CNOT1: variants seen among roughly 807,000 people sequenced by gnomAD.
CNOT1 encodes CCR4-associated factor 1.
A neutral mutation model predicts 273.8 loss-of-function variants in CNOT1; 15 were observed. The ratio of observed to expected loss-of-function variants is 0.05; its 90% CI spans 0.04 to 0.08. The LOEUF is 0.08. Ranked by LOEUF, CNOT1 falls within the 10% of genes least tolerant of loss-of-function variation. The probability of loss-of-function intolerance (pLI) is 1.00; values close to 1 mark genes in which losing one functional copy is unlikely to be tolerated. For synonymous variants in CNOT1, 1,022 were observed against 1,005.5 expected, an observed-to-expected ratio of 1.02 and a Z score of -0.31; for missense variants, 1,644 against 2,912.2, an observed-to-expected ratio of 0.56 and a Z score of 10.02.
chr16:58,614,060 C>G (rs1486506848), intron 1 of CNOT1, among the ~76,000 whole-genome samples: 6 of 110,092 alleles, frequency 5.4e-5, no homozygotes, highest in African/African-American at 1.9e-4. Flanking sequence ...CCACTGCACT[C>G]CAGCCTGGGC....
chr16:58,580,305 A>AT (rs1347895345), intron 12 of CNOT1, among the ~76,000 whole-genome samples: 4 of 148,788 alleles, frequency 2.7e-5, no homozygotes, highest in African/African-American at 4.9e-5. Context: ...CTTACAAATA[A>AT]AAAAAAAAAA....
In CNOT1 at chr16:58,577,918, T is replaced by A. The variant is rs145300757; in HGVS notation, c.1584+781A>T. Among the ~76,000 whole-genome samples the A allele has an allele frequency of 4.6e-5, 7 of 151,460 alleles. No individual in the cohort carries two copies. In the East Asian group the frequency reaches 1.4e-3, roughly 29 times the overall value. ...GAATACTTACTTGCCAAATACATTCTACAAAATTAGAGGTAAAAAGCACAG... is the reference window on the plus strand; with the variant it reads ...GAATACTTACTTGCCAAATACATTCAACAAAATTAGAGGTAAAAAGCACAG... On this transcript the variant is annotated intron_variant, in intron 13 of 48. Coordinates refer to ENST00000317147, the MANE Select transcript of CNOT1 (RefSeq NM_016284.5).
intron 21 of CNOT1, among the ~76,000 whole-genome samples, chr16:58,554,840 G>A (rs1329615088): frequency 6.7e-6 from 1 of 149,458 alleles, no homozygotes; most frequent in Non-Finnish European, 1.5e-5. Flanking sequence ...AGAGGCTGAG[G>A]CAGGAGAATC....
At chr16:58,574,518 G>A in intron 16 of CNOT1, 91 bp downstream of exon 16, 1 of 1,285,360 alleles carries the variant, frequency 7.8e-7, no homozygotes, top group Admixed American at 2.6e-5. Context: ...TTAAACTGCT[G>A]TCACTTTCAC....
In CNOT1 at chr16:58,520,505, T is replaced by TTA; in HGVS notation, c.*451_*452dup. On this transcript the variant is annotated 3_prime_UTR_variant, in exon 49 of 49. Coordinates refer to ENST00000317147, the MANE Select transcript of CNOT1 (RefSeq NM_016284.5). ...TGATTTTCAAGGTCCCCTGTCCACA[T>TTA]TAAAAAAATAAGTTACATAATATTC... The TTA allele has an allele frequency of 5.9e-6, 1 of 169,480 alleles. No individual in the cohort carries two copies. Among genetic ancestry groups the TTA allele is most frequent in the African/African-American group, 2.4e-5 (1 of 42,026 alleles). The allele number at this position is 169,480 out of a possible 1,614,324, so 10.5% of individuals were successfully genotyped here.
At chr16:58,628,863 G>C (rs557077216) in intron 1 of CNOT1, among the ~76,000 whole-genome samples, 2 of 152,192 alleles carry the variant, frequency 1.3e-5, no homozygotes, top group African/African-American at 4.8e-5. Flanking sequence ...GAGCCCTCTT[G>C]GGTGAATTCT....
At chr16:58,593,958 G>C (rs1271321035) in intron 2 of CNOT1, among the ~76,000 whole-genome samples, 1 of 151,962 alleles carries the variant, frequency 6.6e-6, no homozygotes, top group Non-Finnish European at 1.5e-5. Context: ...AATGAAAAAA[G>C]GCAAGGCCAG....
chr16:58,622,341 G>T lies in CNOT1; in HGVS notation c.-175+7387C>A, dbSNP rs1355671065. On this transcript the variant is annotated intron_variant, in intron 1 of 48. Transcript: ENST00000317147. ...AAAATGTACCACTCTAGTGGGGGGG[G>T]GGGGGGGGGCGGGCGTGGACAATGG... Among the ~76,000 whole-genome samples, 5 of 64,158 alleles carry T rather than the reference G, an allele frequency of 7.8e-5. 1 individual carries two copies. The highest frequency in any genetic ancestry group is 1.7e-4 in the African/African-American group (4 of 23,948). 42.1% of individuals were successfully genotyped at this position (64,158 alleles called of 152,430 possible).
intron 1 of CNOT1, among the ~76,000 whole-genome samples, chr16:58,600,923 A>C (rs1201684686): frequency 6.6e-6 from 1 of 152,200 alleles, no homozygotes; most frequent in African/African-American, 2.4e-5. Context: ...CCTAAGCAAC[A>C]TAGTGAGATC....
chr16:58,590,882 G>A (rs1453595027), intron 2 of CNOT1, among the ~76,000 whole-genome samples: 3 of 152,286 alleles, frequency 2.0e-5, no homozygotes, highest in East Asian at 1.9e-4. Context: ...TATATGCTAC[G>A]TACTAGTCTA....
chr16:58,558,576 T>C lies in CNOT1; in HGVS notation c.2229A>G (p.Ala743=), dbSNP rs202117917. Residue 743 remains alanine (A), a synonymous_variant, in exon 18 of 49, where the codon GCA becomes GCG. Transcript: ENST00000317147. ...TTGCTGGTGACTGAGGGGTACTGAA[T>C]GCAGAACCCAAATTTGGAGGAAAAC... ...MQGFPPNLGS[A]FSTPQSPAKA... The C allele has an allele frequency of 3.1e-6, 5 of 1,613,486 alleles. No individual in the cohort carries two copies. The highest frequency in any genetic ancestry group is 3.4e-6 in the Non-Finnish European group (4 of 1,179,710).
intron 40 of CNOT1, 22 bp downstream of exon 40, chr16:58,534,125 A>C: frequency 6.2e-7 from 1 of 1,610,546 alleles, no homozygotes; most frequent in Non-Finnish European, 8.5e-7. Context: ...GACCAAGACT[A>C]AGGCAAGAAA....
At position 58,555,868 on chromosome 16, in the gene CNOT1, A is replaced by G. The variant is rs138261034; in HGVS notation, c.2520T>C (p.Phe840=). Residue 840 remains phenylalanine, a synonymous_variant, in exon 20 of 49, where the codon TTT becomes TTC. Coordinates refer to ENST00000317147, the MANE Select transcript of CNOT1 (RefSeq NM_016284.5). The part of the protein sequence containing the change: ...SQVWPEANQH[F]SKEIDDEANS... ...TTGCTTCATCATCTATCTCTTTACT[A>G]AAGTGCTGGTTTGCCTCTGGCCACA... The G allele has an allele frequency of 4.8e-5, 77 of 1,613,714 alleles. No individual in the cohort carries two copies. The highest frequency in any genetic ancestry group is 1.6e-4 in the Middle Eastern group (1 of 6,062).
At chr16:58,571,229 C>T (rs1054495407) in intron 16 of CNOT1, among the ~76,000 whole-genome samples, 3 of 152,120 alleles carry the variant, frequency 2.0e-5, no homozygotes, top group Non-Finnish European at 2.9e-5. Context: ...GAGACAAAGA[C>T]ATTTTACAGT....
chr16:58,620,411 T>G (rs1452292772), intron 1 of CNOT1, among the ~76,000 whole-genome samples: 1 of 151,828 alleles, frequency 6.6e-6, no homozygotes, highest in African/African-American at 2.4e-5. Context: ...GAGGCCGAGG[T>G]GGGCAGATCA....
At chr16:58,588,580 A>T (rs1055251430) in intron 3 of CNOT1, among the ~76,000 whole-genome samples, 2 of 152,084 alleles carry the variant, frequency 1.3e-5, no homozygotes. Context: ...GGCAGGTCTG[A>T]TCCCTACCTC....
chr16:58,522,090 C>T (rs1318315568), intron 47 of CNOT1, among the ~76,000 whole-genome samples: 1 of 151,774 alleles, frequency 6.6e-6, no homozygotes, highest in Non-Finnish European at 1.5e-5. Context: ...GAGGCCAAGA[C>T]GGGTGGATCA....
In CNOT1 at chr16:58,618,814, T is replaced by C. The variant is rs565955441; in HGVS notation, c.-175+10914A>G. ...TTATATACACATATTAATCAAGCAA[T>C]TTATTTCACTCAATGCTACAGTGCC... On this transcript the variant is annotated intron_variant, in intron 1 of 48. Coordinates refer to ENST00000317147, the MANE Select transcript of CNOT1 (RefSeq NM_016284.5). Among the ~76,000 whole-genome samples, 4 of 152,274 alleles carry C rather than the reference T, an allele frequency of 2.6e-5. No homozygotes were observed. The East Asian group carries it at 7.7e-4, about 29-fold the overall frequency.
chr16:58,525,311 G>A lies in CNOT1; in HGVS notation c.6652C>T (p.Leu2218=). The change falls in exon 46 of 49, where the codon CTG becomes TTG. Residue 2218 remains leucine (L), a synonymous_variant. Transcript: ENST00000317147. The part of the protein sequence containing the change: ...NRYNLQLINA[L]VLYVGTQAIA... Reference sequence around the variant, plus strand: ...GCCTGAGTCCCGACATAGAGCACCAGTGCATTGATGAGCTGGAGGTTGTAG... The same window carrying A: ...GCCTGAGTCCCGACATAGAGCACCAATGCATTGATGAGCTGGAGGTTGTAG... 6.2e-7 allele frequency: 1 copy of A among 1,613,818 alleles called. No individual in the cohort carries two copies. The highest frequency in any genetic ancestry group is 1.3e-5 in the African/African-American group (1 of 75,052).
Sources: gnomAD v4.1 joint callset for allele counts (sites outside exome capture counted in the v4.1 genomes callset) on GRCh38, gnomAD v4.1.1 for gene constraint, MANE v1.5 for transcripts, NCBI Gene and HGNC (gene_info 2026-07-23, HGNC 2026-07-21) for gene names.